Variants in CHN1 observed in about 807,000 individuals in gnomAD.
CHN1 encodes chimerin 1.
In CHN1, 37 loss-of-function variants were observed where a neutral mutation model predicts 59.5. The ratio of observed to expected loss-of-function variants is 0.62; its 90% confidence interval spans 0.48 to 0.82. The LOEUF (loss-of-function observed/expected upper bound fraction) is 0.82, where lower values mean the gene tolerates loss of function less well. Ranked by LOEUF, CHN1 falls within the 40% of genes least tolerant of loss-of-function variation. The pLI is 0.00. For missense variants in CHN1, 469 were observed against 571.0 expected (o/e 0.82, Z 1.82); for synonymous variants, 206 against 200.4 (o/e 1.03, Z -0.24).
intron 7 of CHN1, among the ~76,000 whole-genome samples, chr2:174,845,900 CTGAATAAATGT>C (rs1237092298): frequency 3.9e-5 from 6 of 151,976 alleles, no homozygotes; most frequent in East Asian, 3.9e-4. Context: ...ATTATAGGTG[CTGAATAAATGT>C]TGAATAAATA....
chr2:174,801,500 AT>A (rs1338794100), intron 12 of CHN1, among the ~76,000 whole-genome samples: 4 of 152,240 alleles, frequency 2.6e-5, no homozygotes, highest in Non-Finnish European at 5.9e-5. Context: ...AAATCCATTT[AT>A]AACACAATCA....
rs1426202027 is a variant in CHN1 at position 174,799,664 on chromosome 2, A to G, written c.*452T>C. On this transcript the variant is annotated 3_prime_UTR_variant, in exon 13 of 13. Transcript: ENST00000409900. ...TATGGTTTATGGTAATGTAACAGCC[A>G]GAGGTGCTGTTTTATCCATTTGTGT... The G allele has an allele frequency of 1.9e-6, 1 of 533,260 alleles. No individual in the cohort carries two copies. Among genetic ancestry groups the G allele is most frequent in the Non-Finnish European group, 3.6e-6 (1 of 275,728 alleles). The allele number at this position is 533,260 out of a possible 1,614,324, so 33.0% of individuals were successfully genotyped here. A position where few individuals can be genotyped will look rare whatever the true frequency, so the allele number is the denominator to read the frequency against.
intron 8 of CHN1, among the ~76,000 whole-genome samples, chr2:174,815,933 T>C (rs2105389111): frequency 6.6e-6 from 1 of 152,340 alleles, no homozygotes; most frequent in East Asian, 1.9e-4. Flanking sequence ...TTTTAAATGC[T>C]ACTGCAGTGC....
intron 3 of CHN1, among the ~76,000 whole-genome samples, chr2:174,940,842 A>G (rs1214918467): frequency 6.6e-6 from 1 of 152,142 alleles, no homozygotes; most frequent in Non-Finnish European, 1.5e-5. Flanking sequence ...TATCCTGTTC[A>G]CCTACAGCCT....
intron 1 of CHN1, among the ~76,000 whole-genome samples, chr2:174,984,730 T>G (rs1174778293): frequency 2.0e-5 from 3 of 152,144 alleles, no homozygotes; most frequent in Admixed American, 1.3e-4. Flanking sequence ...GATGGTAACC[T>G]GAAACTGAAC....
chr2:174,959,212 C>T (rs1383432929), intron 1 of CHN1, among the ~76,000 whole-genome samples: 2 of 152,142 alleles, frequency 1.3e-5, no homozygotes, highest in African/African-American at 2.4e-5. Flanking sequence ...ATACCATAAG[C>T]TTAACTGTGT....
At chr2:174,820,666 G>A (rs1009244894) in intron 8 of CHN1, among the ~76,000 whole-genome samples, 10 of 152,186 alleles carry the variant, frequency 6.6e-5, no homozygotes, top group Non-Finnish European at 1.2e-4. Context: ...TCTCAGGATG[G>A]TCCCTGCTGC....
chr2:174,941,343 C>A lies in CHN1; in HGVS notation c.114+3545G>T, dbSNP rs114282207. ...TAGTCCCTGGAAATATTCATTCTTA[C>A]TGGGGCTTCTAGGCCCTTTCCTTGG... On this transcript the variant is annotated intron_variant, in intron 3 of 12. Coordinates refer to ENST00000409900, the MANE Select transcript of CHN1 (RefSeq NM_001822.7). Among the ~76,000 whole-genome samples the A allele has an allele frequency of 7.6e-3, 1,159 of 152,258 alleles. 19 individuals are homozygous for A. Among genetic ancestry groups the A allele is most frequent in the African/African-American group, 0.027 (1,107 of 41,556 alleles).
chr2:174,897,353 C>T (rs770884630), intron 5 of CHN1, among the ~76,000 whole-genome samples: 11 of 151,840 alleles, frequency 7.2e-5, no homozygotes, highest in Non-Finnish European at 1.0e-4. Context: ...TCAGCATAAA[C>T]GACAAAAGAT....
At chr2:174,920,988 C>T (rs781172029) in intron 3 of CHN1, 26 of 430,404 alleles carry the variant, frequency 6.0e-5, no homozygotes, top group Non-Finnish European at 1.1e-4. Context: ...CTAGGTCCCT[C>T]GCATGTGCAG....
intron 3 of CHN1, among the ~76,000 whole-genome samples, chr2:174,939,873 C>A (rs1689604125): frequency 6.6e-6 from 1 of 151,916 alleles, no homozygotes; most frequent in Admixed American, 6.6e-5. Context: ...AAAAGACAAT[C>A]CCATGAAACT....
chr2:174,983,765 T>C (rs561679177), intron 1 of CHN1, among the ~76,000 whole-genome samples: 1 of 152,192 alleles, frequency 6.6e-6, no homozygotes, highest in Non-Finnish European at 1.5e-5. Context: ...GAGGCTGAGG[T>C]TGCAGTGAGC....
intron 4 of CHN1, among the ~76,000 whole-genome samples, chr2:174,916,995 T>G (rs939103166): frequency 2.6e-5 from 4 of 152,088 alleles, no homozygotes; most frequent in Non-Finnish European, 5.9e-5. Flanking sequence ...AGTTAGAGAC[T>G]AGCCTGGCCA....
chr2:174,809,205 G>A (rs1265220030), intron 10 of CHN1, among the ~76,000 whole-genome samples, 163 bp from the exon 11 acceptor site: 2 of 152,084 alleles, frequency 1.3e-5, no homozygotes, highest in Non-Finnish European at 2.9e-5. Context: ...TTAATTTTCT[G>A]TGAAAGAGCC....
At chr2:174,892,672 T>C (rs1014206043) in intron 5 of CHN1, among the ~76,000 whole-genome samples, 4 of 152,186 alleles carry the variant, frequency 2.6e-5, no homozygotes, top group East Asian at 3.8e-4. Context: ...AAGAAAACTA[T>C]AGACCAATAT....
At chr2:174,891,322 A>C (rs1558969653) in intron 5 of CHN1, among the ~76,000 whole-genome samples, 1 of 152,018 alleles carries the variant, frequency 6.6e-6, no homozygotes, top group Admixed American at 6.6e-5. Flanking sequence ...CTGTAATCCC[A>C]GCACTTTGGG....
intron 7 of CHN1, among the ~76,000 whole-genome samples, chr2:174,844,963 C>G (rs1443580581): frequency 6.6e-6 from 1 of 151,830 alleles, no homozygotes; most frequent in Non-Finnish European, 1.5e-5. Context: ...TTTTTTAAGG[C>G]TTAAAAAAAA....
At chr2:174,866,433 A>C (rs1385342628) in intron 6 of CHN1, among the ~76,000 whole-genome samples, 1 of 152,190 alleles carries the variant, frequency 6.6e-6, no homozygotes, top group African/African-American at 2.4e-5. Context: ...TATGATTTTT[A>C]AAAATAAAAC....
At chr2:174,972,755 G>A (rs1049218149) in intron 1 of CHN1, among the ~76,000 whole-genome samples, 1 of 152,096 alleles carries the variant, frequency 6.6e-6, no homozygotes, top group Non-Finnish European at 1.5e-5. Context: ...ATCACGTAAG[G>A]AATTATACTA....
Sources: gnomAD v4.1 joint callset for allele counts (sites outside exome capture counted in the v4.1 genomes callset) on GRCh38, gnomAD v4.1.1 for gene constraint, MANE v1.5 for transcripts, NCBI Gene and HGNC (gene_info 2026-07-23, HGNC 2026-07-21) for gene names.